The following GALNT6 variants were observed in gnomAD, a reference collection of about 807,000 sequenced individuals.
GALNT6 encodes GalNAc transferase 6.
Under a neutral mutation model 65.9 loss-of-function variants are expected in GALNT6, and 51 were observed. The ratio of observed to expected loss-of-function variants is 0.77; its 90% CI spans 0.62 to 0.98. The LOEUF (loss-of-function observed/expected upper bound fraction) is 0.98, where lower values mean the gene tolerates loss of function less well. Ranked by LOEUF, GALNT6 falls within the 50% of genes least tolerant of loss-of-function variation. The pLI, the probability that GALNT6 is intolerant of heterozygous loss-of-function variation, is 0.00. For synonymous variants in GALNT6, 323 were observed against 315.1 expected (o/e 1.02, Z -0.26); for missense variants, 708 against 803.3 (o/e 0.88, Z 1.43).
chr12:51,386,768 G>A lies in GALNT6; in HGVS notation c.-104+4082C>T, dbSNP rs181822944. Reference sequence around the variant, plus strand: ...ACTGTTGGGGGAAATGGGGCTGAGAGGCTGTTTGGCCAAATGACCGTCCTT... The same window carrying A: ...ACTGTTGGGGGAAATGGGGCTGAGAAGCTGTTTGGCCAAATGACCGTCCTT... On this transcript the variant is annotated intron_variant, in intron 2 of 11. Transcript: ENST00000356317. Among the ~76,000 whole-genome samples, 667 of 152,262 alleles carry A rather than the reference G, an allele frequency of 4.4e-3. 7 individuals are homozygous for A. The highest frequency in any genetic ancestry group is 0.015 in the African/African-American group (631 of 41,560).
At position 51,379,831 on chromosome 12, in the gene GALNT6, C is replaced by G. The variant is rs1242252420; in HGVS notation, c.-50G>C. 1 of 1,538,782 alleles carries G rather than the reference C, an allele frequency of 6.5e-7. No homozygotes were observed. Among genetic ancestry groups the G allele is most frequent in the African/African-American group, 1.4e-5 (1 of 73,212 alleles). ...GCTGCGTCAGCTCTGAGTCCTGAGC[C>G]CAACCCTGGAGATAGCTTGATACGT... On this transcript the variant is annotated 5_prime_UTR_variant, in exon 3 of 12. Transcript: ENST00000356317.
intron 2 of GALNT6, chr12:51,382,218 T>C (rs1424153514): frequency 1.3e-5 from 2 of 152,312 alleles, no homozygotes; most frequent in Non-Finnish European, 2.9e-5. Context: ...CTCTACCAGG[T>C]ACTCTGCAAG....
intron 2 of GALNT6, among the ~76,000 whole-genome samples, chr12:51,380,912 G>A (rs771178288): frequency 6.6e-6 from 1 of 152,150 alleles, no homozygotes; most frequent in Non-Finnish European, 1.5e-5. Context: ...AGTGGATGGC[G>A]GCTGCTGGTG....
intron 2 of GALNT6, among the ~76,000 whole-genome samples, chr12:51,386,152 T>C (rs1947833324): frequency 2.0e-5 from 3 of 152,228 alleles, no homozygotes; most frequent in South Asian, 2.1e-4. Context: ...CTGTTTTGAC[T>C]AGGTCTGTCT....
At chr12:51,365,780 C>T (rs1234402195) in intron 4 of GALNT6, among the ~76,000 whole-genome samples, 1 of 152,302 alleles carries the variant, frequency 6.6e-6, no homozygotes, top group East Asian at 1.9e-4. Flanking sequence ...GAAAGAAGCC[C>T]TGTCTGTGGT....
intron 4 of GALNT6, among the ~76,000 whole-genome samples, chr12:51,372,409 A>G (rs1947319673): frequency 2.0e-5 from 3 of 152,174 alleles, no homozygotes; most frequent in African/African-American, 7.2e-5. Flanking sequence ...GAGTCTTACT[A>G]TGTTGCCCAG....
At chr12:51,377,435 A>G (rs1221538076) in intron 3 of GALNT6, 68 bp from the exon 4 acceptor site, 1 of 1,340,892 alleles carries the variant, frequency 7.5e-7, no homozygotes, top group Non-Finnish European at 1.1e-6. Context: ...GGAGGGCCCC[A>G]TCCAGAGACT....
intron 2 of GALNT6, chr12:51,383,382 C>T (rs932874509): frequency 3.5e-4 from 53 of 152,328 alleles, no homozygotes; most frequent in African/African-American, 1.2e-3. Flanking sequence ...CCCACTCCAG[C>T]AAGAAAGAGG....
chr12:51,351,259 A>C lies in GALNT6; in HGVS notation c.*3120T>G, dbSNP rs2137494490. On this transcript the variant is annotated 3_prime_UTR_variant, in exon 12 of 12. Coordinates refer to ENST00000356317, the MANE Select transcript of GALNT6 (RefSeq NM_007210.4). ...AAAGTAAATCCAATCAGCCTGGATTACATTCATCTTTATACCAACATAGTC... is the reference window on the plus strand; with the variant it reads ...AAAGTAAATCCAATCAGCCTGGATTCCATTCATCTTTATACCAACATAGTC... 1 of 152,356 alleles carries C rather than the reference A, an allele frequency of 6.6e-6. No individual in the cohort carries two copies. Among genetic ancestry groups the C allele is most frequent in the Non-Finnish European group, 1.5e-5 (1 of 68,032 alleles). 9.4% of individuals were successfully genotyped at this position (152,356 alleles called of 1,614,324 possible). A position where few individuals can be genotyped will look rare whatever the true frequency, so the allele number is the denominator to read the frequency against.
intron 6 of GALNT6, among the ~76,000 whole-genome samples, chr12:51,363,036 A>G (rs1220508805): frequency 6.6e-6 from 1 of 152,076 alleles, no homozygotes; most frequent in Non-Finnish European, 1.5e-5. Flanking sequence ...GGGCACGTGG[A>G]GAGGAAGAAG....
chr12:51,385,579 T>C (rs894679250), intron 2 of GALNT6, among the ~76,000 whole-genome samples: 2 of 152,164 alleles, frequency 1.3e-5, no homozygotes, highest in African/African-American at 4.8e-5. Context: ...TCATAGAAGT[T>C]TGAAAGCCAG....
At chr12:51,364,466 G>A (rs1947030347) in intron 5 of GALNT6, 111 bp from the exon 6 acceptor site, 1 of 714,946 alleles carries the variant, frequency 1.4e-6, no homozygotes, top group Non-Finnish European at 2.4e-6. Flanking sequence ...CTACTCCTGG[G>A]TTACAGGCAG....
chr12:51,361,642 G>A (rs180919712), intron 6 of GALNT6, among the ~76,000 whole-genome samples: 5 of 152,272 alleles, frequency 3.3e-5, no homozygotes, highest in Admixed American at 3.3e-4. Context: ...CTAATTCCTA[G>A]AATTTAGATA....
At position 51,351,360 on chromosome 12, in the gene GALNT6, T is replaced by C. The variant is rs1305179678; in HGVS notation, c.*3019A>G. Reference sequence around the variant, plus strand: ...TGCCTAGGGCCCCTGAAATTCATGATGTAACTCTGATCTTCCAGCTTCTAC... The same window carrying C: ...TGCCTAGGGCCCCTGAAATTCATGACGTAACTCTGATCTTCCAGCTTCTAC... On this transcript the variant is annotated 3_prime_UTR_variant, in exon 12 of 12. Coordinates refer to ENST00000356317, the MANE Select transcript of GALNT6 (RefSeq NM_007210.4). 1 of 152,210 alleles carries C rather than the reference T, an allele frequency of 6.6e-6. No homozygotes were observed. The highest frequency in any genetic ancestry group is 6.5e-5 in the Admixed American group (1 of 15,290). 9.4% of individuals were successfully genotyped at this position (152,210 alleles called of 1,614,324 possible). A position where few individuals can be genotyped will look rare whatever the true frequency, so the allele number is the denominator to read the frequency against.
chr12:51,358,944 C>T (rs528108007), intron 8 of GALNT6, among the ~76,000 whole-genome samples, 188 bp downstream of exon 8: 3 of 152,280 alleles, frequency 2.0e-5, no homozygotes, highest in East Asian at 1.9e-4. Context: ...GTAGGGACAA[C>T]ATTCTCTAGC....
intron 2 of GALNT6, among the ~76,000 whole-genome samples, chr12:51,384,192 C>G (rs1315506907): frequency 1.3e-5 from 2 of 152,168 alleles, no homozygotes; most frequent in Non-Finnish European, 2.9e-5. Flanking sequence ...TGCCAGAAAT[C>G]CTCTCTGAAA....
chr12:51,364,359 C>G lies in GALNT6; in HGVS notation c.815-4G>C. 2 of 1,607,418 alleles carry G rather than the reference C, an allele frequency of 1.2e-6. No individual in the cohort carries two copies. The highest frequency in any genetic ancestry group is 1.1e-5 in the South Asian group (1 of 90,952). ...AGCCAGCCGTGGAAGCACTCACCTG[C>G]AGGCCCCAACCAGGAGGCAGCAGTC... is the stretch of plus-strand genomic sequence containing the variant. On this transcript the variant is annotated splice_region_variant and splice_polypyrimidine_tract_variant and intron_variant, in intron 5 of 11. Coordinates refer to ENST00000356317, the MANE Select transcript of GALNT6 (RefSeq NM_007210.4).
intron 4 of GALNT6, among the ~76,000 whole-genome samples, chr12:51,367,305 C>T (rs1947140283): frequency 6.6e-6 from 1 of 151,990 alleles, no homozygotes; most frequent in South Asian, 2.1e-4. Context: ...TGTGGTGGCG[C>T]ACACCTGTAA....
chr12:51,380,869 T>G (rs10783438), intron 2 of GALNT6, among the ~76,000 whole-genome samples: 145,447 of 152,308 alleles, frequency 0.95, 69,781 homozygotes, highest in Non-Finnish European at 1. Flanking sequence ...TTAGAGATGG[T>G]TAATGGGGGA....
Sources: gnomAD v4.1 joint callset for allele counts (sites outside exome capture counted in the v4.1 genomes callset) on GRCh38, gnomAD v4.1.1 for gene constraint, MANE v1.5 for transcripts, NCBI Gene and HGNC (gene_info 2026-07-23, HGNC 2026-07-21) for gene names.